GALNT13: variants seen among roughly 807,000 people sequenced by gnomAD.
GALNT13 encodes UDP-GalNAc:polypeptide N-acetylgalactosaminyltransferase 13.
A neutral mutation model predicts 64.2 loss-of-function variants in GALNT13; 28 were observed. The observed-to-expected ratio is 0.44, with a 90% CI of 0.32 to 0.60. GALNT13 has a LOEUF of 0.60. Among genes scored for constraint, GALNT13 ranks in the 20% least tolerant of loss-of-function variants. The probability of loss-of-function intolerance (pLI) is 0.05; values close to 1 mark genes in which losing one functional copy is unlikely to be tolerated. For missense variants in GALNT13, 577 were observed against 669.8 expected, an observed-to-expected ratio of 0.86 and a Z score of 1.53; for synonymous variants, 214 against 224.6, an observed-to-expected ratio of 0.95 and a Z score of 0.42.
chr2:153,765,118 C>T, the GALNT13 span, among the ~76,000 whole-genome samples: 1 of 152,208 alleles, frequency 6.6e-6, no homozygotes, highest in Admixed American at 6.5e-5. Context: ...ATGGGAGCCC[C>T]CACACAGGGT....
At chr2:153,859,245 T>C in the GALNT13 span, among the ~76,000 whole-genome samples, 1 of 152,220 alleles carries the variant, frequency 6.6e-6, no homozygotes, top group African/African-American at 2.4e-5. Context: ...AAACCAAATA[T>C]ATAGTATCCT....
At chr2:153,456,040 C>T in the GALNT13 span, among the ~76,000 whole-genome samples, 1 of 152,114 alleles carries the variant, frequency 6.6e-6, no homozygotes, top group Non-Finnish European at 1.5e-5. Context: ...CCTCTGAGGC[C>T]AAGCCACTTC....
the GALNT13 span, among the ~76,000 whole-genome samples, chr2:153,537,682 C>G: frequency 3.7e-4 from 56 of 152,106 alleles, no homozygotes; most frequent in Non-Finnish European, 7.2e-4. Context: ...GTGGGGGCAG[C>G]TCCCCCATGC....
Position 154,233,052 on chromosome 2 carries a change from A to G in GALNT13, c.312-8978A>G, listed in dbSNP as rs576047276. ...GACCCTGTCTCAAAAAAAAAAAAAA[A>G]AAAAAGAAAAAGAAAAGAAAAAAAG... On this transcript the variant is annotated intron_variant, in intron 4 of 12. Coordinates refer to ENST00000392825, the MANE Select transcript of GALNT13 (RefSeq NM_052917.4). 2.2e-4 allele frequency among the ~76,000 whole-genome samples: 34 copies of G among 151,416 alleles called. No homozygotes were observed. The East Asian group carries it at 2.5e-3, about 11-fold the overall frequency.
intron 9 of GALNT13, among the ~76,000 whole-genome samples, chr2:154,325,996 T>C (rs1261410303): frequency 6.6e-6 from 1 of 152,106 alleles, no homozygotes; most frequent in Non-Finnish European, 1.5e-5. Context: ...TGCTCTAAAT[T>C]TGGAGAACCA....
At chr2:153,391,950 A>G in the GALNT13 span, among the ~76,000 whole-genome samples, 1 of 149,860 alleles carries the variant, frequency 6.7e-6, no homozygotes, top group Admixed American at 6.7e-5. Flanking sequence ...GAAATATACT[A>G]TCTATATTTT....
At chr2:153,291,541 T>C in the GALNT13 span, among the ~76,000 whole-genome samples, 1 of 152,044 alleles carries the variant, frequency 6.6e-6, no homozygotes, top group Non-Finnish European at 1.5e-5. Flanking sequence ...GAGCTTCACC[T>C]CCCCAGCTTT....
At chr2:153,284,994 A>T in the GALNT13 span, among the ~76,000 whole-genome samples, 7 of 151,440 alleles carry the variant, frequency 4.6e-5, no homozygotes, top group Non-Finnish European at 8.8e-5. Context: ...GTCTGTTCTC[A>T]CGCTGCTATG....
At chr2:154,324,769 T>C (rs1030832549) in intron 9 of GALNT13, among the ~76,000 whole-genome samples, 1 of 152,058 alleles carries the variant, frequency 6.6e-6, no homozygotes, top group Non-Finnish European at 1.5e-5. Context: ...TGATTATAAC[T>C]GAGAGCCTCC....
chr2:154,325,385 A>G (rs1351127937), intron 9 of GALNT13, among the ~76,000 whole-genome samples: 2 of 152,124 alleles, frequency 1.3e-5, no homozygotes, highest in Non-Finnish European at 1.5e-5. Context: ...AAGGAACTAG[A>G]TCGGGTTCCT....
chr2:153,506,568 G>A, the GALNT13 span, among the ~76,000 whole-genome samples: 1 of 151,498 alleles, frequency 6.6e-6, no homozygotes, highest in South Asian at 2.1e-4. Context: ...TGTTTGTCTG[G>A]AAAAGATGTT....
At chr2:154,131,819 A>G (rs12621433) in intron 3 of GALNT13, among the ~76,000 whole-genome samples, 56,082 of 151,938 alleles carry the variant, frequency 0.37, 10,670 homozygotes, top group Non-Finnish European at 0.41. Flanking sequence ...AAGCCAGTCC[A>G]AGTCCCAAAA....
chr2:153,183,728 C>G, the GALNT13 span, among the ~76,000 whole-genome samples: 18 of 152,114 alleles, frequency 1.2e-4, no homozygotes, highest in African/African-American at 3.6e-4. Context: ...AGGAGGCAGT[C>G]TCTCCCCCAT....
chr2:153,819,255 T>A, the GALNT13 span, among the ~76,000 whole-genome samples: 2 of 152,174 alleles, frequency 1.3e-5, no homozygotes, highest in African/African-American at 4.8e-5. Context: ...AGTGATGAGG[T>A]AATGCCCTAA....
chr2:154,259,199 C>A, intron 8 of GALNT13, 61 bp downstream of exon 8: 1 of 875,642 alleles, frequency 1.1e-6, no homozygotes, highest in Non-Finnish European at 1.9e-6. Context: ...ATGCACATAC[C>A]AGTCCCAGTA....
At chr2:153,675,550 G>T in the GALNT13 span, among the ~76,000 whole-genome samples, 3 of 152,142 alleles carry the variant, frequency 2.0e-5, no homozygotes, top group East Asian at 1.9e-4. Context: ...GTTGGCAGGT[G>T]GGGGGCTGGG....
At chr2:153,082,523 A>G in the GALNT13 span, among the ~76,000 whole-genome samples, 1 of 140,990 alleles carries the variant, frequency 7.1e-6, no homozygotes, top group South Asian at 2.3e-4. Flanking sequence ...CGGTGTACAC[A>G]TACCATATTT....
chr2:153,646,455 T>TTATATATA, the GALNT13 span, among the ~76,000 whole-genome samples: 1 of 147,990 alleles, frequency 6.8e-6, no homozygotes, highest in Non-Finnish European at 1.5e-5. Context: ...TTTTTTTCTT[T>TTATATATA]TATATATATA....
intron 4 of GALNT13, among the ~76,000 whole-genome samples, chr2:154,142,830 G>A (rs944398172): frequency 6.6e-6 from 1 of 151,658 alleles, no homozygotes. Flanking sequence ...ATATGTGTGT[G>A]TGTGTGTGTA....
Sources: allele counts gnomAD v4.1 joint callset (sites outside exome capture counted in the v4.1 genomes callset), GRCh38; gene constraint gnomAD v4.1.1; transcripts MANE v1.5; gene names NCBI Gene and HGNC (gene_info 2026-07-23, HGNC 2026-07-21).